EDNRB: variants seen among roughly 807,000 people sequenced by gnomAD.
EDNRB encodes Hirschsprung disease 2.
In EDNRB, 18 loss-of-function variants were observed where a neutral mutation model predicts 46.4. The observed-to-expected ratio is 0.39, with a 90% CI of 0.27 to 0.57. EDNRB has a LOEUF of 0.57. Among genes scored for constraint, EDNRB ranks in the 20% least tolerant of loss-of-function variants. EDNRB has a pLI of 0.61. For missense variants in EDNRB, 434 were observed against 537.5 expected, an observed-to-expected ratio of 0.81 and a Z score of 1.90; for synonymous variants, 213 against 204.9, an observed-to-expected ratio of 1.04 and a Z score of -0.34.
chr13:77,901,744 T>A (rs1878998533), intron 3 of EDNRB, among the ~76,000 whole-genome samples: 1 of 151,988 alleles, frequency 6.6e-6, no homozygotes, highest in South Asian at 2.1e-4. Context: ...TTCTCTGTTA[T>A]CTTTTTCATA....
At chr13:77,944,729 T>G (rs918429866) in intron 1 of EDNRB, 2 of 152,114 alleles carry the variant, frequency 1.3e-5, no homozygotes, top group South Asian at 4.1e-4. Flanking sequence ...GAGGGAGTAG[T>G]GTTTCCAGGC....
intron 1 of EDNRB, among the ~76,000 whole-genome samples, chr13:77,924,973 TTC>T (rs931153960): frequency 2.6e-5 from 4 of 152,218 alleles, no homozygotes; most frequent in African/African-American, 9.6e-5. Flanking sequence ...ATAAACTTCT[TTC>T]TTTTGTAAAT....
At position 77,903,594 on chromosome 13, in the gene EDNRB, T is replaced by A. The variant is rs998395399; in HGVS notation, c.497A>T (p.Asp166Val). The change falls in exon 2 of 7, where the codon GAC becomes GTC. Residue 166 changes from aspartate to valine, a missense_variant. Asp to Val is a radical substitution (Grantham distance 152). Coordinates refer to ENST00000646607, the MANE Select transcript of EDNRB (RefSeq NM_001122659.3). ...ACACATCTCAGCTCCAAATGGCCAGTCCTCTGCCAGCAGCTGCATTGAGAA... is the reference window on the plus strand; with the variant it reads ...ACACATCTCAGCTCCAAATGGCCAGACCTCTGCCAGCAGCTGCATTGAGAA... ...PINVYKLLAE[D>V]WPFGAEMCKL... is the part of the protein sequence containing the mutation. 6.2e-7 allele frequency: 1 copy of A among 1,612,636 alleles called. No homozygotes were observed. Among genetic ancestry groups the A allele is most frequent in the Non-Finnish European group, 8.5e-7 (1 of 1,179,146 alleles).
At chr13:77,916,577 G>A (rs1879816583) in intron 1 of EDNRB, among the ~76,000 whole-genome samples, 1 of 152,120 alleles carries the variant, frequency 6.6e-6, no homozygotes, top group Non-Finnish European at 1.5e-5. Context: ...CCTCAGAAAT[G>A]TTCGGAATTC....
At chr13:77,962,875 A>G (rs1291813526) in intron 1 of EDNRB, among the ~76,000 whole-genome samples, 2 of 152,194 alleles carry the variant, frequency 1.3e-5, no homozygotes, top group Non-Finnish European at 2.9e-5. Context: ...AGAAAACCCC[A>G]TTGTCTCAAC....
rs1284599476 is a variant in EDNRB at position 77,966,185 on chromosome 13, A to G, written c.-52+9162T>C. On this transcript the variant is annotated intron_variant, in intron 1 of 7. Transcript: ENST00000646948. ...ATTACAGGGGTGAGCCACAGCACCC[A>G]GCCCCAGTTAGAATTATCTTTCTAA... is the stretch of plus-strand genomic sequence containing the variant. Among the ~76,000 whole-genome samples, 11 of 152,232 alleles carry G rather than the reference A, an allele frequency of 7.2e-5. No homozygotes were observed. The South Asian group carries it at 2.1e-3, about 29-fold the overall frequency.
chr13:77,934,936 G>A (rs1183344047), intron 1 of EDNRB, among the ~76,000 whole-genome samples: 1 of 151,162 alleles, frequency 6.6e-6, no homozygotes, highest in Non-Finnish European at 1.5e-5. Flanking sequence ...TGGGGTGAAT[G>A]TCAGGTGGAT....
In EDNRB at chr13:77,918,148, G is replaced by A. The variant is rs902380332; in HGVS notation, c.426C>T (p.Ser142=). Residue 142 remains serine, a synonymous_variant, in exon 1 of 7, where the codon AGC becomes AGT. Coordinates refer to ENST00000646607, the MANE Select transcript of EDNRB (RefSeq NM_001122659.3). This position sits in a 1 kb window ranked among gnomAD's most constrained non-coding sequence, Gnocchi z 4.5. ...MRNGPNILIA[S]LALGDLLHIV... is the part of the protein sequence containing the mutation. ...TGTGCAGCAGGTCTCCCAGAGCCAAGCTGGCGATCAAGATATTGGGACCGT... is the reference window on the plus strand; with the variant it reads ...TGTGCAGCAGGTCTCCCAGAGCCAAACTGGCGATCAAGATATTGGGACCGT... The A allele has an allele frequency of 1.2e-6, 2 of 1,614,202 alleles. No homozygotes were observed. Among genetic ancestry groups the A allele is most frequent in the Admixed American group, 1.7e-5 (1 of 60,030 alleles).
At chr13:77,932,859 C>T (rs534492364) in intron 1 of EDNRB, among the ~76,000 whole-genome samples, 6 of 152,238 alleles carry the variant, frequency 3.9e-5, no homozygotes, top group Admixed American at 6.5e-5. Context: ...CAATTCAAAT[C>T]TCTCTAAGAT....
intron 1 of EDNRB, among the ~76,000 whole-genome samples, chr13:77,943,863 C>T (rs1427921285): frequency 6.6e-6 from 1 of 151,828 alleles, no homozygotes; most frequent in Non-Finnish European, 1.5e-5. Flanking sequence ...AAATTTTAAC[C>T]TACAAATTCA....
intron 1 of EDNRB, among the ~76,000 whole-genome samples, chr13:77,951,249 T>TG (rs1487419257): frequency 6.9e-6 from 1 of 145,000 alleles, no homozygotes; most frequent in Admixed American, 7.1e-5. Flanking sequence ...AGGAAAGAAG[T>TG]GTTTTTTTTG....
intron 1 of EDNRB, among the ~76,000 whole-genome samples, chr13:77,940,894 G>A (rs542321323): frequency 6.6e-6 from 1 of 152,314 alleles, no homozygotes; most frequent in African/African-American, 2.4e-5. Context: ...CTCTGTGTGC[G>A]AGTTGAAAGG....
upstream of EDNRB, chr13:77,919,069 G>A: frequency 2.0e-6 from 1 of 506,174 alleles, no homozygotes; most frequent in Admixed American, 4.2e-5. Flanking sequence ...TCTATACCCC[G>A]CGATTGAACT....
chr13:77,902,747 T>C (rs1258370777), intron 3 of EDNRB, among the ~76,000 whole-genome samples: 2 of 152,028 alleles, frequency 1.3e-5, no homozygotes, highest in Non-Finnish European at 2.9e-5. Flanking sequence ...CCCTCCCTTG[T>C]CTGGTGTGCT....
intron 1 of EDNRB, among the ~76,000 whole-genome samples, chr13:77,962,953 T>C (rs1881470525): frequency 6.6e-6 from 1 of 152,072 alleles, no homozygotes; most frequent in South Asian, 2.1e-4. Flanking sequence ...TGTGCAAAAA[T>C]CACAAGCATT....
At chr13:77,941,618 A>C (rs1047638537) in intron 1 of EDNRB, among the ~76,000 whole-genome samples, 6 of 152,230 alleles carry the variant, frequency 3.9e-5, no homozygotes, top group African/African-American at 1.4e-4. Context: ...TAACAGGTTA[A>C]ATGAGGGGGC....
chr13:77,919,403 G>T (rs749026688), upstream of EDNRB: 2 of 1,610,744 alleles, frequency 1.2e-6, no homozygotes, highest in African/African-American at 1.3e-5. Flanking sequence ...TTACCTCTCG[G>T]ATCTGACAAA....
intron 1 of EDNRB, among the ~76,000 whole-genome samples, chr13:77,914,430 T>G (rs1389521111): frequency 6.6e-6 from 1 of 152,250 alleles, no homozygotes; most frequent in Non-Finnish European, 1.5e-5. Flanking sequence ...CATGTACACG[T>G]GCATATATAT....
intron 1 of EDNRB, among the ~76,000 whole-genome samples, chr13:77,909,978 G>C (rs1401135413): frequency 6.6e-6 from 1 of 151,866 alleles, no homozygotes; most frequent in Non-Finnish European, 1.5e-5. Context: ...GGGCGGAAAA[G>C]GTAACGACAA....
Sources: allele counts gnomAD v4.1 joint callset (sites outside exome capture counted in the v4.1 genomes callset), GRCh38; gene constraint gnomAD v4.1.1; non-coding constraint Gnocchi (gnomAD v3.1); transcripts MANE v1.5; gene names NCBI Gene and HGNC (gene_info 2026-07-23, HGNC 2026-07-21).